Variants in PSMA8 observed in about 807,000 individuals in gnomAD.
The protein encoded by PSMA8 is proteasome 20S subunit alpha 8.
In PSMA8, 18 loss-of-function variants were observed where a neutral mutation model predicts 32.4. The ratio of observed to expected loss-of-function variants is 0.56; its 90% CI spans 0.38 to 0.82. The LOEUF is 0.82. Ranked by LOEUF, PSMA8 falls within the 40% of genes least tolerant of loss-of-function variation. The probability of loss-of-function intolerance (pLI) is 0.00; values close to 1 mark genes in which losing one functional copy is unlikely to be tolerated. For missense variants in PSMA8, 298 were observed against 300.7 expected (o/e 0.99, Z 0.07); for synonymous variants, 104 against 98.1 (o/e 1.06, Z -0.36).
At chr18:26,190,340 C>T (rs2055391790) in intron 6 of PSMA8, among the ~76,000 whole-genome samples, 1 of 151,852 alleles carries the variant, frequency 6.6e-6, no homozygotes, top group Admixed American at 6.6e-5. Flanking sequence ...GGATGGATAC[C>T]CCATTCTCCA....
In PSMA8 at chr18:26,158,138, A is replaced by G. The variant is rs377524722; in HGVS notation, c.371A>G (p.Asn124Ser). 340 of 1,592,772 alleles carry G rather than the reference A, an allele frequency of 2.1e-4. No individual in the cohort carries two copies. Among genetic ancestry groups the G allele is most frequent in the Non-Finnish European group, 2.6e-4 (306 of 1,164,092 alleles). ...ATLKQKYTQS[N>S]GRRPFGISAL... Reference sequence around the variant, plus strand: ...TTTTTCTAGAAATATACCCAAAGCAATGGACGAAGACCTTTTGGTATTTCT... The same window carrying G: ...TTTTTCTAGAAATATACCCAAAGCAGTGGACGAAGACCTTTTGGTATTTCT... The change falls in exon 4 of 7, where the codon AAT (asparagine) becomes AGT (serine). Residue 124 changes from asparagine (N) to serine (S), a missense_variant. By Grantham distance (46) the Asn-to-Ser change is conservative. Coordinates refer to ENST00000415576, the MANE Select transcript of PSMA8 (RefSeq NM_001025096.2).
rs769211137 is a variant in PSMA8, at chr18:26,192,301, A to T, written c.661-18A>T. On this transcript the variant is annotated intron_variant, in intron 6 of 6. Coordinates refer to ENST00000415576, the MANE Select transcript of PSMA8 (RefSeq NM_001025096.2). The stretch of plus-strand genomic sequence containing the variant: ...CGTATAACTGACATTTGATCTTTAA[A>T]TTTTTTTCTCTTTTCAGATGTTTAG... The T allele has an allele frequency of 7.5e-6, 11 of 1,470,236 alleles. No homozygotes were observed. In the South Asian group the frequency reaches 1.5e-4, roughly 20 times the overall value. The allele number at this position is 1,470,236 out of a possible 1,614,324, so 91.1% of individuals were successfully genotyped here. A position where few individuals can be genotyped will look rare whatever the true frequency, so the allele number is the denominator to read the frequency against.
chr18:26,170,720 A>C (rs2055213622), intron 4 of PSMA8: 4 of 1,489,906 alleles, frequency 2.7e-6, no homozygotes, highest in Middle Eastern at 1.8e-4. Flanking sequence ...AAACACCTTC[A>C]TATTAATCAT....
intron 2 of PSMA8, 111 bp from the exon 3 acceptor site, chr18:26,151,746 GA>G (rs376739064): frequency 1.2e-5 from 12 of 997,072 alleles, no homozygotes; most frequent in African/African-American, 4.9e-5. Flanking sequence ...CATGTATTGA[GA>G]AAAAAAGGAT....
At chr18:26,153,007 A>C (rs2055059054) in intron 3 of PSMA8, among the ~76,000 whole-genome samples, 1 of 152,232 alleles carries the variant, frequency 6.6e-6, no homozygotes, top group Admixed American at 6.5e-5. Context: ...CTGGAATAGC[A>C]GCACAAAATG....
chr18:26,146,776 G>T lies in PSMA8; in HGVS notation c.229+2091G>T, dbSNP rs2055006494. Among the ~76,000 whole-genome samples the T allele has an allele frequency of 2.0e-5, 3 of 152,142 alleles. No homozygotes were observed. The South Asian group carries it at 6.2e-4, about 32-fold the overall frequency. ...AGACCCTATGTATCAGTCCATTCTT[G>T]CATTGCTATAAAGAAACACCTGAAA... On this transcript the variant is annotated intron_variant, in intron 2 of 6. Transcript: ENST00000415576.
At chr18:26,180,695 GACAC>G (rs45627236) in intron 6 of PSMA8, among the ~76,000 whole-genome samples, 8,432 of 143,386 alleles carry the variant, frequency 0.059, 248 homozygotes, top group East Asian at 0.12. Flanking sequence ...TATAAAAATA[GACAC>G]ACACACACAC....
intron 4 of PSMA8, among the ~76,000 whole-genome samples, chr18:26,163,327 C>CAGG (rs202113964): frequency 0.033 from 4,721 of 144,776 alleles, 285 homozygotes; most frequent in African/African-American, 0.12. Flanking sequence ...ACAAGGTGGT[C>CAGG]AGGGAAGGTC....
intron 4 of PSMA8, among the ~76,000 whole-genome samples, chr18:26,176,434 T>C (rs2055264217): frequency 6.6e-6 from 1 of 152,184 alleles, no homozygotes; most frequent in African/African-American, 2.4e-5. Flanking sequence ...CTTGGTGAAA[T>C]TTCAAGGCCA....
At position 26,144,591 on chromosome 18, in the gene PSMA8, T is replaced by TG. The variant is rs755940138; in HGVS notation, c.139dup (p.Val47GlyfsTer12). On this transcript the variant is annotated frameshift_variant, in exon 2 of 7. Coordinates refer to ENST00000415576, the MANE Select transcript of PSMA8 (RefSeq NM_001025096.2). LOFTEE classifies it high-confidence loss of function. ...TTCGAGGTACCAATATAGTTGTTCT[T>TG]GGGGTAGAAAAAAAATCTGTTGCCA... 8.4e-5 allele frequency: 136 copies of TG among 1,613,464 alleles called. No homozygotes were observed. The highest frequency in any genetic ancestry group is 1.1e-4 in the Non-Finnish European group (130 of 1,179,600).
At chr18:26,154,629 T>A (rs1427442202) in intron 3 of PSMA8, among the ~76,000 whole-genome samples, 1 of 152,118 alleles carries the variant, frequency 6.6e-6, no homozygotes, top group East Asian at 1.9e-4. Context: ...TTTTTGTTTG[T>A]TTTGAGATGG....
At chr18:26,158,566 T>C (rs1482740101) in intron 4 of PSMA8, among the ~76,000 whole-genome samples, 1 of 152,222 alleles carries the variant, frequency 6.6e-6, no homozygotes, top group Non-Finnish European at 1.5e-5. Context: ...GCAGAAATAG[T>C]CCTTCTTCTT....
intron 3 of PSMA8, among the ~76,000 whole-genome samples, chr18:26,153,337 T>C (rs908453923): frequency 6.6e-6 from 1 of 152,144 alleles, no homozygotes; most frequent in Non-Finnish European, 1.5e-5. Context: ...AATTATATTG[T>C]TAAATTTATT....
intron 1 of PSMA8, among the ~76,000 whole-genome samples, chr18:26,141,540 C>G (rs1464287156): frequency 6.6e-6 from 1 of 151,876 alleles, no homozygotes; most frequent in Non-Finnish European, 1.5e-5. Context: ...AAGGCATATT[C>G]CCTATAAAGT....
chr18:26,181,042 T>C (rs1361160896), intron 6 of PSMA8, among the ~76,000 whole-genome samples: 1 of 152,246 alleles, frequency 6.6e-6, no homozygotes, highest in East Asian at 1.9e-4. Context: ...TAGTAAGTGC[T>C]CGTTAAATGG....
At chr18:26,186,262 A>C (rs1473899667) in intron 6 of PSMA8, among the ~76,000 whole-genome samples, 1 of 149,614 alleles carries the variant, frequency 6.7e-6, no homozygotes, top group African/African-American at 2.4e-5. Context: ...AAAAAAAAAA[A>C]AAAAAAAAAA....
chr18:26,173,037 A>C (rs1438680438), intron 4 of PSMA8, among the ~76,000 whole-genome samples: 1 of 152,166 alleles, frequency 6.6e-6, no homozygotes. Context: ...AAGAATGTGC[A>C]CTCTAATTGT....
At chr18:26,190,239 A>C (rs1398336643) in intron 6 of PSMA8, among the ~76,000 whole-genome samples, 1 of 152,206 alleles carries the variant, frequency 6.6e-6, no homozygotes, top group Non-Finnish European at 1.5e-5. Context: ...CAACAGGGTA[A>C]CTATAGTCAA....
At chr18:26,159,255 G>T (rs1221144655) in intron 4 of PSMA8, among the ~76,000 whole-genome samples, 2 of 152,144 alleles carry the variant, frequency 1.3e-5, no homozygotes, top group Non-Finnish European at 2.9e-5. Flanking sequence ...AATTTGATTT[G>T]CACTGACCAT....
Sources: allele counts gnomAD v4.1 joint callset (sites outside exome capture counted in the v4.1 genomes callset), GRCh38; gene constraint gnomAD v4.1.1; transcripts MANE v1.5; gene names NCBI Gene and HGNC (gene_info 2026-07-23, HGNC 2026-07-21).